JAK1: variants seen among roughly 807,000 people sequenced by gnomAD.
JAK1 encodes Janus kinase 1.
Under a neutral mutation model 136.6 loss-of-function variants are expected in JAK1, and 16 were observed. The ratio of observed to expected loss-of-function variants is 0.12; its 90% CI spans 0.08 to 0.18. JAK1 has a LOEUF of 0.18. Among genes scored for constraint, JAK1 ranks in the 10% least tolerant of loss-of-function variants. JAK1 has a pLI of 1.00. For missense variants in JAK1, 859 were observed against 1,450.1 expected, an observed-to-expected ratio of 0.59 and a Z score of 6.62; for synonymous variants, 492 against 519.5, an observed-to-expected ratio of 0.95 and a Z score of 0.72.
At position 65,020,414 on chromosome 1, in the gene JAK1, A is replaced by G. The variant is rs1383336032; in HGVS notation, c.-78+24066T>C. Among the ~76,000 whole-genome samples the G allele has an allele frequency of 2.0e-5, 3 of 152,278 alleles. No homozygotes were observed. In the East Asian group the frequency reaches 5.8e-4, roughly 29 times the overall value. On this transcript the variant is annotated intron_variant, in intron 2 of 25. Coordinates refer to the JAK1 transcript ENST00000671954. ...GAGAAACTCTTGCAATGTGTACTAC[A>G]GACAAGTACAAGAATTTTCTCAGCA... is the stretch of plus-strand genomic sequence containing the variant.
chr1:64,926,484 T>C (rs1394978172), intron 1 of JAK1, among the ~76,000 whole-genome samples: 1 of 150,910 alleles, frequency 6.6e-6, no homozygotes, highest in African/African-American at 2.4e-5. Context: ...CTGTCCTCCT[T>C]ACATTAACGA....
intron 2 of JAK1, among the ~76,000 whole-genome samples, chr1:65,007,980 G>A (rs1646817797): frequency 6.6e-6 from 1 of 152,154 alleles, no homozygotes; most frequent in Non-Finnish European, 1.5e-5. Flanking sequence ...CCTGACCTCA[G>A]GTGATCCGCC....
chr1:64,836,323 C>G (rs1654475083), intron 22 of JAK1, 108 bp from the exon 23 acceptor site: 2 of 715,700 alleles, frequency 2.8e-6, no homozygotes, highest in Non-Finnish European at 5.1e-6. Context: ...TAATTTAATA[C>G]AGCATCTGAC....
intron 13 of JAK1, among the ~76,000 whole-genome samples, chr1:64,847,102 C>A (rs965100143): frequency 6.6e-6 from 1 of 152,222 alleles, no homozygotes; most frequent in African/African-American, 2.4e-5. Context: ...TGAAGGCAGC[C>A]GATCTCTGCT....
At chr1:65,039,369 T>A (rs951202795) in intron 2 of JAK1, among the ~76,000 whole-genome samples, 4 of 152,194 alleles carry the variant, frequency 2.6e-5, no homozygotes, top group Non-Finnish European at 4.4e-5. Flanking sequence ...TAATAGATAA[T>A]GCTTATCCAA....
Position 64,869,321 on chromosome 1 carries a change from T to C in JAK1, c.637A>G (p.Lys213Glu), listed in dbSNP as rs1557650129. The change falls in exon 6 of 25, where the codon AAG becomes GAG. Residue 213 changes from lysine (K) to glutamate (E), a missense_variant. Physicochemically the swap from Lys to Glu is moderately conservative, Grantham distance 56. This residue lies in a region of JAK1 where 353 missense variants were observed against 494.0 expected (regional missense o/e 0.71). Transcript: ENST00000342505. ...AGTGGGAAGCTTTACCTGATGTCCTTGGGCAGTTCTGGCAACTGCATCTTC... is the reference window on the plus strand; with the variant it reads ...AGTGGGAAGCTTTACCTGATGTCCTCGGGCAGTTCTGGCAACTGCATCTTC... ...MKKMQLPELP[K>E]DISYKRYIPE... 2.5e-6 allele frequency: 4 copies of C among 1,613,920 alleles called. No individual in the cohort carries two copies. The highest frequency in any genetic ancestry group is 2.2e-5 in the East Asian group (1 of 44,884).
At chr1:64,963,109 T>C (rs1324316481) in intron 1 of JAK1, among the ~76,000 whole-genome samples, 1 of 152,020 alleles carries the variant, frequency 6.6e-6, no homozygotes, top group East Asian at 1.9e-4. Flanking sequence ...TGAACCGATG[T>C]CTCTGATGCC....
At chr1:64,834,892 C>T (rs1654374127) in intron 24 of JAK1, among the ~76,000 whole-genome samples, 2 of 152,050 alleles carry the variant, frequency 1.3e-5, no homozygotes, top group South Asian at 4.1e-4. Flanking sequence ...CAATAAAATC[C>T]AGGTCATTCC....
chr1:64,964,091 A>T (rs1646332075), intron 1 of JAK1, among the ~76,000 whole-genome samples: 1 of 152,234 alleles, frequency 6.6e-6, no homozygotes, highest in Admixed American at 6.5e-5. Flanking sequence ...GAGCCACAAT[A>T]ATCACAGAAC....
At chr1:64,962,705 G>A (rs946578402) in intron 1 of JAK1, among the ~76,000 whole-genome samples, 3 of 152,220 alleles carry the variant, frequency 2.0e-5, no homozygotes, top group Non-Finnish European at 2.9e-5. Context: ...GAGCACGGGG[G>A]AGAGTAAGAA....
intron 2 of JAK1, among the ~76,000 whole-genome samples, chr1:65,010,520 A>G (rs535230894): frequency 8.5e-5 from 13 of 152,188 alleles, no homozygotes; most frequent in Non-Finnish European, 1.5e-4. Flanking sequence ...ATGCCTTCTG[A>G]TGACTGCAGC....
At chr1:64,940,316 ATTTC>A (rs1260265589) in intron 1 of JAK1, among the ~76,000 whole-genome samples, 1 of 118,120 alleles carries the variant, frequency 8.5e-6, no homozygotes, top group Admixed American at 1.1e-4. Flanking sequence ...ACCAATTTCA[ATTTC>A]TTTTTTTTTT....
intron 5 of JAK1, among the ~76,000 whole-genome samples, chr1:64,871,247 G>A (rs1267321914): frequency 6.6e-6 from 1 of 152,128 alleles, no homozygotes; most frequent in Non-Finnish European, 1.5e-5. Flanking sequence ...AGTAACTAAA[G>A]CCCTACAGTG....
intron 1 of JAK1, among the ~76,000 whole-genome samples, chr1:64,945,562 A>G (rs542452056): frequency 6.6e-6 from 1 of 152,306 alleles, no homozygotes; most frequent in East Asian, 1.9e-4. Context: ...AATAGTATAT[A>G]GTATATATTT....
At chr1:64,839,991 C>G (rs544170036) in intron 19 of JAK1, among the ~76,000 whole-genome samples, 196 bp from the exon 20 acceptor site, 3 of 152,330 alleles carry the variant, frequency 2.0e-5, no homozygotes, top group African/African-American at 7.2e-5. Context: ...ACAAACTGTC[C>G]CCTCAGTTAC....
intron 1 of JAK1, among the ~76,000 whole-genome samples, chr1:65,054,097 C>T (rs1031225485): frequency 3.3e-5 from 5 of 152,056 alleles, no homozygotes; most frequent in East Asian, 3.9e-4. Context: ...GAAACAGATA[C>T]GGTCCACAAA....
intron 1 of JAK1, among the ~76,000 whole-genome samples, chr1:64,936,802 C>T (rs7546028): frequency 0.98 from 148,636 of 152,310 alleles, 72,599 homozygotes; most frequent in East Asian, 1. Context: ...GCTAAGCCAA[C>T]GTTTCTTTGA....
chr1:65,030,769 T>A (rs1433747732), intron 2 of JAK1, among the ~76,000 whole-genome samples: 3 of 152,108 alleles, frequency 2.0e-5, no homozygotes, highest in African/African-American at 4.8e-5. Context: ...TGACCTCAGG[T>A]GATCCACCCA....
chr1:64,994,974 A>AAAAAAACAAAAAAAAC (rs1388156670), intron 2 of JAK1: 8 of 151,636 alleles, frequency 5.3e-5, no homozygotes, highest in Middle Eastern at 3.4e-3. Flanking sequence ...AAAAAAAAAA[A>AAAAAAACAAAAAAAAC]AAAAAAACCT....
Sources: gnomAD v4.1 joint callset for allele counts (sites outside exome capture counted in the v4.1 genomes callset) on GRCh38, gnomAD v4.1.1 for gene constraint, gnomAD v4.1.1 regional missense constraint, MANE v1.5 for transcripts, NCBI Gene and HGNC (gene_info 2026-07-23, HGNC 2026-07-21) for gene names.